Variants in KCTD8 observed in about 807,000 individuals in gnomAD.
KCTD8 encodes potassium channel tetramerization domain containing 8.
KCTD8 carries 27 observed loss-of-function variants against 31.5 expected under a neutral mutation model. The observed-to-expected ratio is 0.86, with a 90% CI of 0.63 to 1.18. KCTD8 has a LOEUF of 1.18. Among genes scored for constraint, KCTD8 ranks in the 50% most tolerant of loss-of-function variants. The pLI, the probability that KCTD8 is intolerant of heterozygous loss-of-function variation, is 0.00. For synonymous variants in KCTD8, 290 were observed against 280.0 expected, an observed-to-expected ratio of 1.04 and a Z score of -0.36; for missense variants, 658 against 647.7, an observed-to-expected ratio of 1.02 and a Z score of -0.17.
At chr4:44,308,053 T>C (rs1717852280) in intron 1 of KCTD8, among the ~76,000 whole-genome samples, 1 of 152,056 alleles carries the variant, frequency 6.6e-6, no homozygotes, top group Non-Finnish European at 1.5e-5. Flanking sequence ...TATCTATTTT[T>C]CATAACTATG....
At position 44,349,094 on chromosome 4, in the gene KCTD8, C is replaced by CACT. The variant is rs534603756; in HGVS notation, c.961+98466_961+98468dup. Among the ~76,000 whole-genome samples, 22 of 109,198 alleles carry CACT rather than the reference C, an allele frequency of 2.0e-4. No individual in the cohort carries two copies. In the South Asian group the frequency reaches 5.4e-3, roughly 27 times the overall value. The allele number at this position is 109,198 out of a possible 152,430, so 71.6% of individuals were successfully genotyped here. A position where few individuals can be genotyped will look rare whatever the true frequency, so the allele number is the denominator to read the frequency against. On this transcript the variant is annotated intron_variant, in intron 1 of 1. Transcript: ENST00000360029. ...CCGCCACCACCACCACCACCACCAC[C>CACT]ACTACCACCAATGCTATCATCATCA...
chr4:44,225,815 CTTTTTTTTTTTT>C (rs35751540), intron 1 of KCTD8, among the ~76,000 whole-genome samples: 14 of 74,452 alleles, frequency 1.9e-4, no homozygotes, highest in Non-Finnish European at 2.8e-4. Flanking sequence ...GGTTTTGTCT[CTTTTTTTTTTTT>C]TTTTTTTTTT....
chr4:44,195,507 G>A (rs1250332397), intron 1 of KCTD8, among the ~76,000 whole-genome samples: 3 of 152,142 alleles, frequency 2.0e-5, no homozygotes, highest in Non-Finnish European at 4.4e-5. Context: ...AGAAGATTCT[G>A]ATTTTGTAGA....
At chr4:44,231,233 C>A (rs550075688) in intron 1 of KCTD8, among the ~76,000 whole-genome samples, 11 of 152,174 alleles carry the variant, frequency 7.2e-5, no homozygotes, top group African/African-American at 2.6e-4. Context: ...CCTCATTTCT[C>A]CCCCCAGGCC....
At chr4:44,175,309 T>C in intron 1 of KCTD8, 59 bp from the exon 2 acceptor site, 2 of 1,004,492 alleles carry the variant, frequency 2.0e-6, no homozygotes, top group South Asian at 3.7e-5. Context: ...AGTGTGAAGG[T>C]AAAATTAAAT....
chr4:44,214,087 T>C (rs1026570102), intron 1 of KCTD8, among the ~76,000 whole-genome samples: 3 of 152,208 alleles, frequency 2.0e-5, no homozygotes, highest in African/African-American at 2.4e-5. Context: ...CACCCACTTA[T>C]TCATTTCTGT....
chr4:44,410,607 T>TA (rs1464756677), intron 1 of KCTD8, among the ~76,000 whole-genome samples: 1 of 152,102 alleles, frequency 6.6e-6, no homozygotes, highest in African/African-American at 2.4e-5. Flanking sequence ...TAACTGGACT[T>TA]ACAGTTCCAC....
At chr4:44,303,279 G>A (rs979595194) in intron 1 of KCTD8, among the ~76,000 whole-genome samples, 2 of 152,024 alleles carry the variant, frequency 1.3e-5, no homozygotes, top group Non-Finnish European at 2.9e-5. Flanking sequence ...GATTGGAATA[G>A]TTTCAGAAGG....
At chr4:44,434,507 G>A (rs1007023664) in intron 1 of KCTD8, among the ~76,000 whole-genome samples, 8 of 151,898 alleles carry the variant, frequency 5.3e-5, no homozygotes, top group East Asian at 3.9e-4. Context: ...TGGTTTACTC[G>A]AGAACACTCC....
intron 1 of KCTD8, among the ~76,000 whole-genome samples, chr4:44,185,881 A>G (rs1218803675): frequency 6.6e-6 from 1 of 152,018 alleles, no homozygotes; most frequent in Non-Finnish European, 1.5e-5. Flanking sequence ...CCACACACAC[A>G]CAAACACACA....
chr4:44,251,902 GT>G (rs1715848919), intron 1 of KCTD8, among the ~76,000 whole-genome samples: 1 of 151,392 alleles, frequency 6.6e-6, no homozygotes, highest in Non-Finnish European at 1.5e-5. Flanking sequence ...GGAAAAGGTG[GT>G]TTTTACTTAC....
chr4:44,308,279 T>C (rs10805124), intron 1 of KCTD8, among the ~76,000 whole-genome samples: 104,889 of 151,844 alleles, frequency 0.69, 36,352 homozygotes, highest in African/African-American at 0.75. Context: ...AATCAATCAA[T>C]AAGTGCTCAC....
chr4:44,332,544 A>G (rs1718615481), intron 1 of KCTD8, among the ~76,000 whole-genome samples: 2 of 151,952 alleles, frequency 1.3e-5, no homozygotes, highest in Non-Finnish European at 2.9e-5. Flanking sequence ...TGTTGACTTC[A>G]TCTGTGACAG....
chr4:44,250,081 C>G (rs925158213), intron 1 of KCTD8, among the ~76,000 whole-genome samples: 1 of 151,748 alleles, frequency 6.6e-6, no homozygotes, highest in Admixed American at 6.6e-5. Flanking sequence ...AAAATTCTAA[C>G]AGCATGGCTC....
At chr4:44,253,428 C>T (rs1354046175) in intron 1 of KCTD8, among the ~76,000 whole-genome samples, 1 of 151,796 alleles carries the variant, frequency 6.6e-6, no homozygotes, top group Non-Finnish European at 1.5e-5. Flanking sequence ...TTGTGGCTAT[C>T]TCACTGATGG....
At chr4:44,270,714 G>A (rs1014116668) in intron 1 of KCTD8, among the ~76,000 whole-genome samples, 1 of 151,948 alleles carries the variant, frequency 6.6e-6, no homozygotes, top group African/African-American at 2.4e-5. Context: ...ATGGGTCGTT[G>A]GCAACCATGC....
chr4:44,229,237 TTTGGCAATTATCACG>T, intron 1 of KCTD8, among the ~76,000 whole-genome samples: 1 of 152,098 alleles, frequency 6.6e-6, no homozygotes, highest in Admixed American at 6.5e-5. Context: ...TGGTTGATGG[TTTGGCAATTATCACG>T]TTGCCTCTCT....
rs1179508207 is a variant in KCTD8 at position 44,252,526 on chromosome 4, A to AT, written c.962-77277dup. Among the ~76,000 whole-genome samples, 14 of 151,738 alleles carry AT rather than the reference A, an allele frequency of 9.2e-5. No homozygotes were observed. In the East Asian group the frequency reaches 2.7e-3, roughly 29 times the overall value. On this transcript the variant is annotated intron_variant, in intron 1 of 1. Transcript: ENST00000360029. ...CACTATATCCAGGCCAACATCTGTTATTTTTTTATTTTTTGATTATGGGCA... is the reference window on the plus strand; with the variant it reads ...CACTATATCCAGGCCAACATCTGTTATTTTTTTTATTTTTTGATTATGGGCA...
intron 1 of KCTD8, among the ~76,000 whole-genome samples, chr4:44,289,324 G>A (rs1017470742): frequency 6.6e-6 from 1 of 151,730 alleles, no homozygotes; most frequent in Non-Finnish European, 1.5e-5. Context: ...AAAAGTATAA[G>A]AAATTTAAAT....
Sources: allele counts gnomAD v4.1 joint callset (sites outside exome capture counted in the v4.1 genomes callset), GRCh38; gene constraint gnomAD v4.1.1; transcripts MANE v1.5; gene names NCBI Gene and HGNC (gene_info 2026-07-23, HGNC 2026-07-21).